Variants in SCHIP1 observed in about 807,000 individuals in gnomAD.
The protein encoded by SCHIP1 is schwannomin interacting protein 1, also known as schwannomin-interacting protein 1.
A neutral mutation model predicts 29.7 loss-of-function variants in SCHIP1; 8 were observed. The ratio of observed to expected loss-of-function variants is 0.27; its 90% CI spans 0.16 to 0.49. The LOEUF (loss-of-function observed/expected upper bound fraction) is 0.49. Among genes scored for constraint, SCHIP1 ranks in the 20% least tolerant of loss-of-function variants. The probability of loss-of-function intolerance (pLI) is 0.99; values close to 1 mark genes in which losing one functional copy is unlikely to be tolerated. For synonymous variants in SCHIP1, 76 were observed against 94.9 expected (o/e 0.80, Z 1.16); for missense variants, 193 against 294.6 (o/e 0.66, Z 2.52).
At chr3:159,633,958 A>G in the SCHIP1 span, among the ~76,000 whole-genome samples, 1 of 152,192 alleles carries the variant, frequency 6.6e-6, no homozygotes, top group Non-Finnish European at 1.5e-5. Context: ...AATTAACTCA[A>G]AAAAACCTGT....
the SCHIP1 span, among the ~76,000 whole-genome samples, chr3:159,751,284 A>G: frequency 6.6e-6 from 1 of 152,216 alleles, no homozygotes; most frequent in African/African-American, 2.4e-5. Flanking sequence ...TAAAAAAACA[A>G]AAAAGAATAT....
chr3:159,662,835 T>C, the SCHIP1 span, among the ~76,000 whole-genome samples: 1 of 152,234 alleles, frequency 6.6e-6, no homozygotes, highest in Admixed American at 6.5e-5. Flanking sequence ...CTAAACTGCC[T>C]CTTTGGGTAT....
chr3:159,288,722 C>T, the SCHIP1 span, among the ~76,000 whole-genome samples: 5 of 152,160 alleles, frequency 3.3e-5, no homozygotes, highest in Admixed American at 6.5e-5. Flanking sequence ...GAGCGAAACT[C>T]GGTCTTGAAG....
chr3:159,397,131 C>T, the SCHIP1 span, among the ~76,000 whole-genome samples: 1 of 151,724 alleles, frequency 6.6e-6, no homozygotes, highest in Non-Finnish European at 1.5e-5. Context: ...GAGGCTTCTG[C>T]ATTCTTCACG....
the SCHIP1 span, among the ~76,000 whole-genome samples, chr3:159,381,624 T>C: frequency 6.6e-6 from 1 of 151,584 alleles, no homozygotes; most frequent in Non-Finnish European, 1.5e-5. Context: ...TTTTTTTTTG[T>C]ACACTCCATT....
At chr3:159,479,362 A>T in the SCHIP1 span, among the ~76,000 whole-genome samples, 1 of 152,200 alleles carries the variant, frequency 6.6e-6, no homozygotes, top group Non-Finnish European at 1.5e-5. Context: ...GGTCTGAGAA[A>T]GCTGAAATTC....
At chr3:159,684,769 A>AC in the SCHIP1 span, among the ~76,000 whole-genome samples, 1 of 148,116 alleles carries the variant, frequency 6.8e-6, no homozygotes, top group South Asian at 2.1e-4. Context: ...ATGCCACTGC[A>AC]CTCTGGCCTG....
At chr3:159,556,360 C>T in the SCHIP1 span, among the ~76,000 whole-genome samples, 23 of 151,996 alleles carry the variant, frequency 1.5e-4, no homozygotes, top group Admixed American at 8.5e-4. Flanking sequence ...GTCAGTGTGG[C>T]GATTCCTCAG....
At chr3:159,830,535 A>G in the SCHIP1 span, among the ~76,000 whole-genome samples, 1 of 152,238 alleles carries the variant, frequency 6.6e-6, no homozygotes, top group African/African-American at 2.4e-5. Context: ...ATTAATTTAC[A>G]TAGGTTATAA....
exon 7 of SCHIP1, chr3:159,896,854 G>A (rs142618608): frequency 3.1e-5 from 44 of 1,436,814 alleles, no homozygotes; most frequent in Admixed American, 1.9e-4. Flanking sequence ...TAAAGGTGGC[G>A]CAGAAACAAA....
At chr3:159,483,216 G>A in the SCHIP1 span, among the ~76,000 whole-genome samples, 1 of 152,074 alleles carries the variant, frequency 6.6e-6, no homozygotes, top group Non-Finnish European at 1.5e-5. Flanking sequence ...CTCCTTTGCG[G>A]TCAAAGATGC....
chr3:159,626,101 G>GATATCT, the SCHIP1 span, among the ~76,000 whole-genome samples: 3 of 108,342 alleles, frequency 2.8e-5, no homozygotes, highest in African/African-American at 2.1e-4. Context: ...TAGATAGATA[G>GATATCT]ATAGATAGAT....
chr3:159,515,106 C>A, the SCHIP1 span, among the ~76,000 whole-genome samples: 1 of 152,120 alleles, frequency 6.6e-6, no homozygotes, highest in African/African-American at 2.4e-5. Context: ...TCCACCATAA[C>A]CCCTGGCTGG....
At chr3:159,314,835 G>C in the SCHIP1 span, among the ~76,000 whole-genome samples, 1 of 152,160 alleles carries the variant, frequency 6.6e-6, no homozygotes, top group Admixed American at 6.5e-5. Context: ...ATGGCTTATA[G>C]CTGATATCAC....
chr3:159,739,090 G>A, the SCHIP1 span, among the ~76,000 whole-genome samples: 1 of 152,164 alleles, frequency 6.6e-6, no homozygotes, highest in Non-Finnish European at 1.5e-5. Flanking sequence ...TAGAGTTGAG[G>A]GCAGGACACC....
intron 2 of SCHIP1, among the ~76,000 whole-genome samples, chr3:159,871,742 G>A (rs1368981089): frequency 7.1e-6 from 1 of 141,510 alleles, no homozygotes; most frequent in Non-Finnish European, 1.6e-5. Flanking sequence ...AGGAACTGTA[G>A]CATATAAAAT....
the SCHIP1 span, chr3:159,765,029 C>T: frequency 3.2e-6 from 5 of 1,544,418 alleles, no homozygotes; most frequent in Non-Finnish European, 4.4e-6. Flanking sequence ...CCCGAAGAGC[C>T]CCCGGTGCCA....
the SCHIP1 span, among the ~76,000 whole-genome samples, chr3:159,370,833 G>A: frequency 6.6e-6 from 1 of 152,094 alleles, no homozygotes; most frequent in East Asian, 1.9e-4. Flanking sequence ...CAGTTTTCAG[G>A]CCTTCAGAAT....
chr3:159,288,216 C>T, the SCHIP1 span, among the ~76,000 whole-genome samples: 1 of 152,234 alleles, frequency 6.6e-6, no homozygotes, highest in African/African-American at 2.4e-5. Flanking sequence ...TCAAAGACAA[C>T]CACACTCTCA....
Sources: gnomAD v4.1 joint callset for allele counts (sites outside exome capture counted in the v4.1 genomes callset) on GRCh38, gnomAD v4.1.1 for gene constraint, MANE v1.5 for transcripts, NCBI Gene and HGNC (gene_info 2026-07-23, HGNC 2026-07-21) for gene names.